C8B: variants seen among roughly 807,000 people sequenced by gnomAD.
C8B encodes the protein complement component C8 beta chain.
In C8B, 67 loss-of-function variants were observed where a neutral mutation model predicts 64.6. The ratio of observed to expected loss-of-function variants is 1.04; its 90% CI spans 0.85 to 1.27. The LOEUF (loss-of-function observed/expected upper bound fraction) is 1.27, where lower values mean the gene tolerates loss of function less well. C8B is among the 50% of genes most tolerant of loss of function. The pLI is 0.00. For missense variants in C8B, 790 were observed against 725.2 expected (o/e 1.09, Z -1.03); for synonymous variants, 284 against 257.7 (o/e 1.10, Z -0.98).
At chr1:56,963,057 A>G (rs966571250) in intron 1 of C8B, among the ~76,000 whole-genome samples, 2 of 152,178 alleles carry the variant, frequency 1.3e-5, no homozygotes, top group Non-Finnish European at 2.9e-5. Flanking sequence ...TTGCAAATAG[A>G]GCTACAGTAA....
intron 3 of C8B, among the ~76,000 whole-genome samples, chr1:56,956,178 G>A (rs187304162): frequency 5.9e-5 from 9 of 152,300 alleles, no homozygotes; most frequent in Non-Finnish European, 1.0e-4. Flanking sequence ...AGTGATAAAT[G>A]ATGCTAACTG....
At chr1:56,947,698 A>G (rs1448214283) in intron 6 of C8B, among the ~76,000 whole-genome samples, 1 of 152,128 alleles carries the variant, frequency 6.6e-6, no homozygotes, top group African/African-American at 2.4e-5. Flanking sequence ...TTGGGAGGCC[A>G]AGGCAGGCAG....
At chr1:56,953,471 T>C (rs1021630118) in intron 4 of C8B, among the ~76,000 whole-genome samples, 11 of 152,202 alleles carry the variant, frequency 7.2e-5, no homozygotes, top group African/African-American at 2.4e-4. Flanking sequence ...ATTATCCCCA[T>C]TTTGCAGATG....
chr1:56,952,263 C>G (rs1439152424), intron 4 of C8B, 83 bp from the exon 5 acceptor site: 34 of 1,584,972 alleles, frequency 2.1e-5, no homozygotes, highest in Non-Finnish European at 2.8e-5. Context: ...TGAACGAAAA[C>G]AAAAACTCCT....
intron 1 of C8B, 69 bp downstream of exon 1, chr1:56,965,788 T>A: frequency 1.3e-6 from 2 of 1,548,278 alleles, no homozygotes; most frequent in Non-Finnish European, 1.8e-6. Flanking sequence ...AAAGAGATGG[T>A]CAGCATCATG....
intron 2 of C8B, chr1:56,959,578 A>G (rs1271154140): frequency 1.0e-5 from 16 of 1,535,342 alleles, no homozygotes; most frequent in Non-Finnish European, 1.3e-5. Flanking sequence ...GGCCAGAGTC[A>G]TACAAGTGTC....
chr1:56,943,549 G>T, intron 8 of C8B, 147 bp downstream of exon 8: 2 of 934,374 alleles, frequency 2.1e-6, no homozygotes, highest in Non-Finnish European at 1.7e-6. Flanking sequence ...TATGTTAGAT[G>T]GTAAAACTAT....
chr1:56,965,752 C>A, intron 1 of C8B, 105 bp downstream of exon 1: 2 of 1,238,788 alleles, frequency 1.6e-6, no homozygotes, highest in South Asian at 1.2e-5. Flanking sequence ...CCTTAAGAGA[C>A]GTTCCTCATT....
At chr1:56,930,470 A>T (rs1455195428) in intron 11 of C8B, among the ~76,000 whole-genome samples, 5 of 152,154 alleles carry the variant, frequency 3.3e-5, no homozygotes, top group Non-Finnish European at 7.4e-5. Context: ...CCTCCAACCA[A>T]TAGGAACCCT....
chr1:56,936,553 A>T (rs1570374698), intron 9 of C8B, among the ~76,000 whole-genome samples: 3 of 120,258 alleles, frequency 2.5e-5, no homozygotes, highest in South Asian at 2.7e-4. Context: ...TCAGCCATTT[A>T]GTTATATTCA....
chr1:56,940,154 T>C (rs1289675848), intron 9 of C8B, among the ~76,000 whole-genome samples: 4 of 152,206 alleles, frequency 2.6e-5, no homozygotes, highest in Admixed American at 2.6e-4. Flanking sequence ...GAATGCATAA[T>C]GTTTAAATGA....
At chr1:56,953,825 G>C (rs892826394) in intron 4 of C8B, among the ~76,000 whole-genome samples, 1 of 152,142 alleles carries the variant, frequency 6.6e-6, no homozygotes, top group Non-Finnish European at 1.5e-5. Flanking sequence ...CCACACTCTA[G>C]CTGGGTGACC....
Position 56,945,826 on chromosome 1 carries a change from C to G in C8B, c.1100G>C (p.Arg367Thr), listed in dbSNP as rs1644931905. The G allele has an allele frequency of 6.2e-7, 1 of 1,614,054 alleles. No individual in the cohort carries two copies. The highest frequency in any genetic ancestry group is 1.1e-5 in the South Asian group (1 of 91,088). ...TGGTCCCTTGGGCAGTATACCTCCT[C>G]TCTCCATGGCCTCTTTGTTCATAAC... ...TLVMNKEAME[R>T]GDYTLNNVHA... The change falls in exon 7 of 12, where the codon AGA (arginine) becomes ACA (threonine). Residue 367 changes from arginine (R) to threonine (T), a missense_variant. Physicochemically the swap from Arg to Thr is moderately conservative, Grantham distance 71. Coordinates refer to ENST00000371237, the MANE Select transcript of C8B (RefSeq NM_000066.4).
At chr1:56,965,389 G>GAGAC (rs1412801354) in intron 1 of C8B, among the ~76,000 whole-genome samples, 1 of 113,790 alleles carries the variant, frequency 8.8e-6, no homozygotes, top group African/African-American at 3.5e-5. Flanking sequence ...GAGAGAGAGA[G>GAGAC]AGAGAGAGAG....
chr1:56,932,725 C>T lies in C8B; in HGVS notation c.1552+610G>A, dbSNP rs374461931. Among the ~76,000 whole-genome samples, 34 of 152,262 alleles carry T rather than the reference C, an allele frequency of 2.2e-4. 1 individual carries two copies. The South Asian group carries it at 7.1e-3, about 32-fold the overall frequency. On this transcript the variant is annotated intron_variant, in intron 10 of 11. Coordinates refer to ENST00000371237, the MANE Select transcript of C8B (RefSeq NM_000066.4). ...TGGACCCTTTCTGCCTGAGAATACA[C>T]CTTCTTCTATATCCCTTCCGTTGAG...
chr1:56,931,343 TTAGA>T (rs1644698051), intron 11 of C8B, among the ~76,000 whole-genome samples: 1 of 151,866 alleles, frequency 6.6e-6, no homozygotes, highest in Admixed American at 6.6e-5. Flanking sequence ...TGCAGGGGAG[TTAGA>T]TAGATACATC....
chr1:56,949,805 A>C, intron 5 of C8B, 53 bp from the exon 6 acceptor site: 3 of 1,263,158 alleles, frequency 2.4e-6, no homozygotes, highest in Non-Finnish European at 3.4e-6. Flanking sequence ...AAATCAGTTC[A>C]ATACCAGTGA....
At chr1:56,943,581 G>A in intron 8 of C8B, 115 bp downstream of exon 8, 1 of 1,175,566 alleles carries the variant, frequency 8.5e-7, no homozygotes, top group Non-Finnish European at 1.3e-6. Flanking sequence ...GGACATAGTT[G>A]GCCTAGAAGT....
intron 11 of C8B, among the ~76,000 whole-genome samples, chr1:56,930,754 G>T (rs1644689159): frequency 6.6e-6 from 1 of 152,118 alleles, no homozygotes; most frequent in Admixed American, 6.6e-5. Flanking sequence ...TACTTCATGG[G>T]GTTGTTGTGA....
Sources: allele counts gnomAD v4.1 joint callset (sites outside exome capture counted in the v4.1 genomes callset), GRCh38; gene constraint gnomAD v4.1.1; transcripts MANE v1.5; gene names NCBI Gene and HGNC (gene_info 2026-07-23, HGNC 2026-07-21).